The following ASTN1 variants were observed in gnomAD, a reference collection of about 807,000 sequenced individuals.
ASTN1 encodes the protein astrotactin 1, also known as astrotactin-1.
A neutral mutation model predicts 140.7 loss-of-function variants in ASTN1; 41 were observed. That is an observed-to-expected ratio of 0.29 (90% CI 0.23 to 0.38). The LOEUF (loss-of-function observed/expected upper bound fraction) is 0.38. ASTN1 is among the 10% of genes least tolerant of loss of function. ASTN1 has a pLI of 1.00. For missense variants in ASTN1, 1,479 were observed against 1,678.8 expected, an observed-to-expected ratio of 0.88 and a Z score of 2.08; for synonymous variants, 640 against 652.2, an observed-to-expected ratio of 0.98 and a Z score of 0.29.
At chr1:177,095,720 G>A (rs1437448680) in intron 1 of ASTN1, among the ~76,000 whole-genome samples, 2 of 152,156 alleles carry the variant, frequency 1.3e-5, no homozygotes, top group African/African-American at 4.8e-5. Flanking sequence ...GGTGATGGAG[G>A]CACCTCAAAG....
chr1:177,057,328 T>G (rs185282801), intron 2 of ASTN1, among the ~76,000 whole-genome samples: 1 of 152,382 alleles, frequency 6.6e-6, no homozygotes, highest in East Asian at 1.9e-4. Context: ...AAAAGAGAAC[T>G]TGCAAATTCT....
At position 176,876,586 on chromosome 1, in the gene ASTN1, G is replaced by A. The variant is rs754147184; in HGVS notation, c.3414C>T (p.Asp1138=). The A allele has an allele frequency of 5.6e-5, 90 of 1,614,142 alleles. No homozygotes were observed. The highest frequency in any genetic ancestry group is 1.2e-4 in the African/African-American group (9 of 75,018). ...CGGGGCATGGGGTCTTCACGATCAC[G>A]TCGCTTGGCCTGGAGCGCCGTCCTG... ...DNTGRRSRPS[D]VIVKTPCPVV... is the part of the protein sequence containing the mutation. The change falls in exon 21 of 23, where the codon GAC becomes GAT. Residue 1138 remains aspartate (D), a synonymous_variant. Coordinates refer to ENST00000361833, the MANE Select transcript of ASTN1 (RefSeq NM_004319.3).
rs187303904 is a variant in ASTN1, at chr1:177,026,391, T to C, written c.1121-1659A>G. Among the ~76,000 whole-genome samples, 642 of 152,332 alleles carry C rather than the reference T, an allele frequency of 4.2e-3. 5 individuals are homozygous for C. The highest frequency in any genetic ancestry group is 0.014 in the African/African-American group (597 of 41,584). ...CCAACTACTTCCATTGCCCAGCCAA[T>C]GGCACTGCCACACATTTGGTTGCTC... On this transcript the variant is annotated intron_variant, in intron 5 of 22. Transcript: ENST00000361833.
chr1:176,995,471 G>A (rs1558018116), intron 8 of ASTN1, among the ~76,000 whole-genome samples: 1 of 152,194 alleles, frequency 6.6e-6, no homozygotes, highest in African/African-American at 2.4e-5. Flanking sequence ...GGATGGCAGA[G>A]GGAGCAGAGT....
chr1:177,110,058 T>G (rs1229706623), intron 1 of ASTN1, among the ~76,000 whole-genome samples: 1 of 152,222 alleles, frequency 6.6e-6, no homozygotes, highest in Non-Finnish European at 1.5e-5. Context: ...TTCCCTACCT[T>G]ATTTATCTAC....
chr1:176,920,721 G>A (rs753195232), intron 16 of ASTN1, among the ~76,000 whole-genome samples: 1 of 152,254 alleles, frequency 6.6e-6, no homozygotes, highest in Non-Finnish European at 1.5e-5. Flanking sequence ...CTTGCCAGCT[G>A]TCAGCTTTGC....
rs186386876 is a variant in ASTN1, at chr1:177,075,442, A to T, written c.284-14177T>A. The stretch of plus-strand genomic sequence containing the variant: ...ATTCATCAAAAAAAAAAAAAAAAAT[A>T]CTAAGTAGCTTTGCTTTCTTTGCTG... On this transcript the variant is annotated intron_variant, in intron 1 of 22. Transcript: ENST00000361833. Among the ~76,000 whole-genome samples the T allele has an allele frequency of 2.7e-5, 4 of 149,408 alleles. No homozygotes were observed. In the East Asian group the frequency reaches 7.9e-4, roughly 30 times the overall value.
chr1:176,863,281 C>T lies in ASTN1; in HGVS notation c.*1003G>A. The T allele has an allele frequency of 2.0e-6, 2 of 985,848 alleles. No individual in the cohort carries two copies. The highest frequency in any genetic ancestry group is 2.4e-6 in the Non-Finnish European group (2 of 829,926). 61.1% of individuals were successfully genotyped at this position (985,848 alleles called of 1,614,324 possible). ...AGAAGTTTTTTGTGATCAATAATAG[C>T]TTTAGTTCACTGTAACACTGATATG... On this transcript the variant is annotated 3_prime_UTR_variant, in exon 23 of 23. Transcript: ENST00000361833.
chr1:177,075,975 C>T (rs1279217491), intron 1 of ASTN1, among the ~76,000 whole-genome samples: 1 of 152,030 alleles, frequency 6.6e-6, no homozygotes, highest in Non-Finnish European at 1.5e-5. Flanking sequence ...GATCCTCAAA[C>T]TGCAATAGAA....
chr1:177,152,100 T>C (rs1017751169), intron 1 of ASTN1, among the ~76,000 whole-genome samples: 5 of 152,006 alleles, frequency 3.3e-5, no homozygotes, highest in African/African-American at 1.2e-4. Flanking sequence ...AAAATATCAG[T>C]TCTCAGAATT....
intron 3 of ASTN1, 104 bp from the exon 4 acceptor site, chr1:177,031,056 G>A: frequency 7.9e-7 from 1 of 1,267,684 alleles, no homozygotes; most frequent in Non-Finnish European, 1.1e-6. Context: ...TCACAGAATT[G>A]AAATAAGACA....
intron 8 of ASTN1, among the ~76,000 whole-genome samples, chr1:176,983,142 G>T (rs1031164412): frequency 6.6e-6 from 1 of 152,180 alleles, no homozygotes; most frequent in African/African-American, 2.4e-5. Context: ...GAATGTGTGA[G>T]AACATGGTTT....
chr1:176,906,805 C>T (rs886410771), intron 16 of ASTN1, among the ~76,000 whole-genome samples: 2 of 148,270 alleles, frequency 1.3e-5, no homozygotes, highest in African/African-American at 2.5e-5. Context: ...AGTTGTGCCA[C>T]TACGCTCCAG....
chr1:177,159,066 C>CAAA (rs57759902), intron 1 of ASTN1, among the ~76,000 whole-genome samples: 4 of 74,650 alleles, frequency 5.4e-5, no homozygotes, highest in South Asian at 5.4e-4. Context: ...GGATCCATCT[C>CAAA]AAAAAAAAAA....
Position 176,904,488 on chromosome 1 carries a change from C to G in ASTN1, c.2672-9658G>C, listed in dbSNP as rs562050666. Among the ~76,000 whole-genome samples the G allele has an allele frequency of 1.7e-4, 26 of 151,558 alleles. No individual in the cohort carries two copies. In the East Asian group the frequency reaches 2.9e-3, roughly 17 times the overall value. Reference sequence around the variant, plus strand: ...GGGGAGAGGGAGTGCGGGGAGAGGACGACACTGAGAGAGAGGCGAAAATGA... The same window carrying G: ...GGGGAGAGGGAGTGCGGGGAGAGGAGGACACTGAGAGAGAGGCGAAAATGA... On this transcript the variant is annotated intron_variant, in intron 16 of 22. Transcript: ENST00000361833.
chr1:177,146,551 C>T (rs1682728958), intron 1 of ASTN1, among the ~76,000 whole-genome samples: 1 of 152,148 alleles, frequency 6.6e-6, no homozygotes, highest in South Asian at 2.1e-4. Context: ...ACAGATCTTC[C>T]AAATGCTGGT....
chr1:176,899,862 A>T (rs1310297877), intron 16 of ASTN1, among the ~76,000 whole-genome samples: 3 of 152,216 alleles, frequency 2.0e-5, no homozygotes, highest in Non-Finnish European at 4.4e-5. Flanking sequence ...ATACTCTCTG[A>T]GCTCAAATAA....
chr1:177,093,557 T>C (rs952393145), intron 1 of ASTN1, among the ~76,000 whole-genome samples: 1 of 152,172 alleles, frequency 6.6e-6, no homozygotes, highest in African/African-American at 2.4e-5. Flanking sequence ...ATCTAGAGAC[T>C]TAGTACTCTG....
At chr1:177,118,172 T>G (rs1217810157) in intron 1 of ASTN1, among the ~76,000 whole-genome samples, 1 of 152,124 alleles carries the variant, frequency 6.6e-6, no homozygotes, top group Non-Finnish European at 1.5e-5. Context: ...TTCAACATAG[T>G]TGTTGGATGA....
Sources: allele counts gnomAD v4.1 joint callset (sites outside exome capture counted in the v4.1 genomes callset), GRCh38; gene constraint gnomAD v4.1.1; transcripts MANE v1.5; gene names NCBI Gene and HGNC (gene_info 2026-07-23, HGNC 2026-07-21).